Variants in GLI2 observed in about 807,000 individuals in gnomAD.
The protein encoded by GLI2 is transcription activator GLI2.
Under a neutral mutation model 78.9 loss-of-function variants are expected in GLI2, and 22 were observed. The observed-to-expected ratio is 0.28, with a 90% confidence interval of 0.20 to 0.40. The LOEUF (loss-of-function observed/expected upper bound fraction) is 0.40, where lower values mean the gene tolerates loss of function less well. Ranked by LOEUF, GLI2 falls within the 10% of genes least tolerant of loss-of-function variation. The pLI, the probability that GLI2 is intolerant of heterozygous loss-of-function variation, is 1.00. For synonymous variants in GLI2, 974 were observed against 963.7 expected, an observed-to-expected ratio of 1.01 and a Z score of -0.20; for missense variants, 2,097 against 2,213.2, an observed-to-expected ratio of 0.95 and a Z score of 1.05.
At chr2:120,774,425 C>A (rs1272881367) in intron 1 of GLI2, among the ~76,000 whole-genome samples, 2 of 152,202 alleles carry the variant, frequency 1.3e-5, no homozygotes, top group African/African-American at 4.8e-5. Context: ...TATCTAAGTT[C>A]TACACATTTT....
At chr2:120,806,468 G>C (rs973432633) in intron 2 of GLI2, among the ~76,000 whole-genome samples, 1 of 152,124 alleles carries the variant, frequency 6.6e-6, no homozygotes, top group Non-Finnish European at 1.5e-5. Context: ...TCTGAGCCTG[G>C]GGACATTCGG....
rs1215796726 is a variant in GLI2, at chr2:120,989,306, T to C, written c.3341T>C (p.Phe1114Ser). The stretch of plus-strand genomic sequence containing the variant: ...ATGCTGGGAGGATGCCAGTTAGGCT[T>C]TGGGGCGCCCTCCAGCCTGAACAAA... ...APMLGGCQLG[F>S]GAPSSLNKNN... Residue 1114 changes from phenylalanine to serine, a missense_variant, in exon 14 of 14, where the codon TTT (phenylalanine) becomes TCT (serine). This residue lies in a region of GLI2 where 1,290 missense variants were observed against 1,261.7 expected (regional missense o/e 1.02). Coordinates refer to ENST00000361492, the MANE Select transcript of GLI2 (RefSeq NM_001374353.1). 4 of 1,613,058 alleles carry C rather than the reference T, an allele frequency of 2.5e-6. No homozygotes were observed. The highest frequency in any genetic ancestry group is 1.1e-5 in the South Asian group (1 of 91,090).
intron 5 of GLI2, among the ~76,000 whole-genome samples, chr2:120,967,184 G>A (rs1353227215): frequency 6.6e-6 from 1 of 152,238 alleles, no homozygotes; most frequent in Non-Finnish European, 1.5e-5. Flanking sequence ...GAAAGGATGG[G>A]TGGGCAGGGG....
rs1318693071 is a variant in GLI2 at position 120,815,488 on chromosome 2, CTGTGCTGCCGTGTG to C, written c.148+18025_148+18038del. Among the ~76,000 whole-genome samples the C allele has an allele frequency of 2.6e-5, 4 of 152,222 alleles. No homozygotes were observed. In the East Asian group the frequency reaches 7.7e-4, roughly 29 times the overall value. On this transcript the variant is annotated intron_variant, in intron 2 of 13. Transcript: ENST00000361492. ...CCCCCTCCCTCCACCGATAGAGGGA[CTGTGCTGCCGTGTG>C]TGTGGCTCAGCCGTCTTGCTGTGGC...
chr2:120,825,389 G>A (rs1046021706), intron 2 of GLI2, among the ~76,000 whole-genome samples: 4 of 151,306 alleles, frequency 2.6e-5, no homozygotes, highest in South Asian at 2.1e-4. Context: ...CTGTGAATGC[G>A]CCTGGCTGTG....
At chr2:120,817,797 C>T (rs1376121016) in intron 2 of GLI2, among the ~76,000 whole-genome samples, 1 of 152,166 alleles carries the variant, frequency 6.6e-6, no homozygotes, top group Non-Finnish European at 1.5e-5. Flanking sequence ...CCTGGCCCCG[C>T]TCCAGACTCC....
intron 2 of GLI2, among the ~76,000 whole-genome samples, chr2:120,863,303 G>A (rs889063327): frequency 2.0e-5 from 3 of 152,214 alleles, no homozygotes; most frequent in African/African-American, 7.2e-5. Context: ...GCTCCGGCCA[G>A]TGCCCGTGTT....
At chr2:120,754,879 T>G (rs958645714) in intron 1 of GLI2, among the ~76,000 whole-genome samples, 2 of 150,886 alleles carry the variant, frequency 1.3e-5, no homozygotes, top group African/African-American at 4.9e-5. Flanking sequence ...TAAGACAGAG[T>G]TTCACTCTTG....
intron 2 of GLI2, among the ~76,000 whole-genome samples, chr2:120,805,919 C>T (rs956947782): frequency 3.3e-5 from 5 of 152,202 alleles, no homozygotes; most frequent in East Asian, 1.9e-4. Context: ...CAGGCATGCA[C>T]TATTAAATCT....
intron 2 of GLI2, among the ~76,000 whole-genome samples, chr2:120,804,738 G>A (rs1684864179): frequency 6.6e-6 from 1 of 152,242 alleles, no homozygotes; most frequent in South Asian, 2.1e-4. Context: ...GAGTTCCCCT[G>A]ACAGCCTGGT....
rs1682394258 is a variant in GLI2 at position 120,737,253 on chromosome 2, T to A, written c.-31+968T>A. On this transcript the variant is annotated intron_variant, in intron 1 of 13. Coordinates refer to ENST00000361492, the MANE Select transcript of GLI2 (RefSeq NM_001374353.1). This position sits in a 1 kb window ranked among gnomAD's most constrained non-coding sequence, Gnocchi z 4.3. ...GTGAGTGTGAGCGCGCCCGCCGCGC[T>A]GGAGAGCTGGGAGTCCACCCAGCTC... 6.6e-6 allele frequency among the ~76,000 whole-genome samples: 1 copy of A among 152,024 alleles called. No individual in the cohort carries two copies. Among genetic ancestry groups the A allele is most frequent in the Non-Finnish European group, 1.5e-5 (1 of 67,980 alleles).
Position 120,988,284 on chromosome 2 carries a change from G to T in GLI2, c.2319G>T (p.Glu773Asp). 6.4e-7 allele frequency: 1 copy of T among 1,566,584 alleles called. No homozygotes were observed. The highest frequency in any genetic ancestry group is 1.7e-4 in the Middle Eastern group (1 of 5,892). The change falls in exon 14 of 14, where the codon GAG (glutamate) becomes GAT (aspartate). Residue 773 changes from glutamate to aspartate, a missense_variant. This residue lies in a region of GLI2 where 1,290 missense variants were observed against 1,261.7 expected (regional missense o/e 1.02). Transcript: ENST00000361492. The part of the protein sequence containing the change: ...AGLLPNPRLS[E>D]LSASEVTMLS... ...TGCTGCCGAACCCGCGGCTGTCGGA[G>T]CTGTCCGCGAGCGAGGTGACCATGC...
chr2:120,931,932 G>A (rs1459884144), intron 3 of GLI2, among the ~76,000 whole-genome samples: 2 of 152,104 alleles, frequency 1.3e-5, no homozygotes, highest in Admixed American at 6.5e-5. Context: ...GGCTTCCAGC[G>A]GCTCCACACT....
intron 2 of GLI2, among the ~76,000 whole-genome samples, chr2:120,837,765 A>AT (rs1272643907): frequency 1.3e-5 from 2 of 152,156 alleles, no homozygotes; most frequent in African/African-American, 2.4e-5. Flanking sequence ...ATTTTTAATG[A>AT]TTTTTTTAAA....
At chr2:120,769,324 G>C (rs1683458494) in intron 1 of GLI2, among the ~76,000 whole-genome samples, 1 of 152,256 alleles carries the variant, frequency 6.6e-6, no homozygotes, top group Admixed American at 6.5e-5. Context: ...GTGTTGGGCA[G>C]CAAGTACTGT....
At chr2:120,750,290 C>T (rs1376952618) in intron 1 of GLI2, among the ~76,000 whole-genome samples, 1 of 152,238 alleles carries the variant, frequency 6.6e-6, no homozygotes, top group Non-Finnish European at 1.5e-5. Flanking sequence ...TTGGGTGCTG[C>T]ACTTCCGCAT....
At position 120,990,048 on chromosome 2, in the gene GLI2, C is replaced by T; in HGVS notation, c.4083C>T (p.Ser1361=). 6.2e-7 allele frequency: 1 copy of T among 1,602,474 alleles called. No individual in the cohort carries two copies. Among genetic ancestry groups the T allele is most frequent in the Non-Finnish European group, 8.5e-7 (1 of 1,173,676 alleles). The change falls in exon 14 of 14, where the codon AGC becomes AGT. Residue 1361 remains serine, a synonymous_variant. Transcript: ENST00000361492. ...AGCCCCGGCCTCCCCTCGAGCCCAG[C>T]CCCACTGGCCGCCACCGTGGGGTAC... ...LVQPRPPLEP[S]PTGRHRGVRA...
At chr2:120,766,194 C>T (rs575640608) in intron 1 of GLI2, among the ~76,000 whole-genome samples, 1 of 152,322 alleles carries the variant, frequency 6.6e-6, no homozygotes, top group Admixed American at 6.5e-5. Flanking sequence ...TCTGTGACCT[C>T]GCAGCCTTCG....
At chr2:120,826,858 G>A (rs1373380636) in intron 2 of GLI2, among the ~76,000 whole-genome samples, 1 of 152,122 alleles carries the variant, frequency 6.6e-6, no homozygotes, top group African/African-American at 2.4e-5. Flanking sequence ...CAACCTGCCC[G>A]GCTCCCGCTT....
Sources: allele counts gnomAD v4.1 joint callset (sites outside exome capture counted in the v4.1 genomes callset), GRCh38; gene constraint gnomAD v4.1.1; regional missense constraint gnomAD v4.1.1; non-coding constraint Gnocchi (gnomAD v3.1); transcripts MANE v1.5; gene names NCBI Gene and HGNC (gene_info 2026-07-23, HGNC 2026-07-21).